The following TBC1D5 variants were observed in gnomAD, a reference collection of about 807,000 sequenced individuals.
The protein encoded by TBC1D5 is TBC1 domain family, member 5.
In TBC1D5, 75 loss-of-function variants were observed where a neutral mutation model predicts 100.3. That is an observed-to-expected ratio of 0.75 (90% confidence interval 0.62 to 0.91). The LOEUF is 0.91. Among genes scored for constraint, TBC1D5 ranks in the 40% least tolerant of loss-of-function variants. The pLI is 0.00. For synonymous variants in TBC1D5, 323 were observed against 325.6 expected (o/e 0.99, Z 0.09); for missense variants, 910 against 942.4 (o/e 0.97, Z 0.45).
intron 1 of TBC1D5, among the ~76,000 whole-genome samples, chr3:17,715,454 T>C (rs1287751653): frequency 6.6e-6 from 1 of 152,236 alleles, no homozygotes. Context: ...ATTTTGTCCA[T>C]TTTTGTCTTA....
At chr3:17,726,274 G>A (rs886810256) in intron 1 of TBC1D5, among the ~76,000 whole-genome samples, 1 of 152,156 alleles carries the variant, frequency 6.6e-6, no homozygotes, top group Non-Finnish European at 1.5e-5. Flanking sequence ...ATTTTAAGTT[G>A]AGAAATCACC....
At chr3:17,549,141 C>CA (rs1282513769) in intron 2 of TBC1D5, among the ~76,000 whole-genome samples, 3 of 151,806 alleles carry the variant, frequency 2.0e-5, no homozygotes, top group Non-Finnish European at 4.4e-5. Context: ...CTACTAAATA[C>CA]AAAAAAATAT....
At position 17,238,442 on chromosome 3, in the gene TBC1D5, A is replaced by C. The variant is rs530650487; in HGVS notation, c.1332-23T>G. On this transcript the variant is annotated intron_variant, in intron 16 of 21. Transcript: ENST00000253692. ...GTCCTGTTAAAAAAAGAAATGGAGA[A>C]GCATTATTTACATTAGAGGATGATT... 4.4e-6 allele frequency: 7 copies of C among 1,598,048 alleles called. No individual in the cohort carries two copies. In the East Asian group the frequency reaches 9.0e-5, roughly 20 times the overall value.
intron 2 of TBC1D5, among the ~76,000 whole-genome samples, chr3:17,550,226 A>G (rs1024010874): frequency 6.6e-6 from 1 of 152,122 alleles, no homozygotes; most frequent in Non-Finnish European, 1.5e-5. Context: ...TGGAATTATT[A>G]CTAAAGTATT....
intron 2 of TBC1D5, among the ~76,000 whole-genome samples, chr3:17,517,937 G>A (rs2096011557): frequency 6.6e-6 from 1 of 152,118 alleles, no homozygotes; most frequent in African/African-American, 2.4e-5. Flanking sequence ...TTACAAGGAT[G>A]AAATAAAGTA....
chr3:17,671,757 A>C (rs2067971970), intron 1 of TBC1D5, among the ~76,000 whole-genome samples: 2 of 152,174 alleles, frequency 1.3e-5, no homozygotes, highest in Non-Finnish European at 2.9e-5. Flanking sequence ...AAAAAGCAAA[A>C]ATTACATCCT....
intron 18 of TBC1D5, among the ~76,000 whole-genome samples, chr3:17,205,336 A>C (rs918196809): frequency 5.9e-5 from 9 of 152,290 alleles, no homozygotes; most frequent in Admixed American, 3.9e-4. Flanking sequence ...TGCTTTCCAC[A>C]TAACATGTTT....
intron 1 of TBC1D5, among the ~76,000 whole-genome samples, chr3:17,716,699 T>A (rs1372559957): frequency 2.0e-5 from 3 of 152,218 alleles, no homozygotes; most frequent in Non-Finnish European, 4.4e-5. Flanking sequence ...AACTCCTTTT[T>A]CATGTAATCA....
intron 1 of TBC1D5, among the ~76,000 whole-genome samples, chr3:17,630,253 CT>C (rs1221352106): frequency 6.6e-6 from 1 of 152,184 alleles, no homozygotes; most frequent in African/African-American, 2.4e-5. Context: ...TTTTATTGTG[CT>C]TTGCAGATGC....
intron 4 of TBC1D5, among the ~76,000 whole-genome samples, chr3:17,410,911 A>G (rs2093906195): frequency 6.6e-6 from 1 of 152,180 alleles, no homozygotes; most frequent in South Asian, 2.1e-4. Flanking sequence ...TATTTAATAA[A>G]CTAAGTGAGA....
At chr3:17,481,681 A>G (rs952114483) in intron 3 of TBC1D5, among the ~76,000 whole-genome samples, 11 of 152,280 alleles carry the variant, frequency 7.2e-5, no homozygotes, top group South Asian at 2.1e-4. Context: ...TAAATATGCT[A>G]TAAGCCTTAA....
At chr3:17,238,822 C>T (rs2076085651) in intron 16 of TBC1D5, among the ~76,000 whole-genome samples, 1 of 152,096 alleles carries the variant, frequency 6.6e-6, no homozygotes, top group African/African-American at 2.4e-5. Flanking sequence ...CTAGGCAAGT[C>T]ATGGGGTCCT....
chr3:17,610,685 CATG>C (rs2061611492), intron 2 of TBC1D5, among the ~76,000 whole-genome samples: 1 of 152,122 alleles, frequency 6.6e-6, no homozygotes, highest in Non-Finnish European at 1.5e-5. Context: ...ACATATAAAT[CATG>C]ATGTTTCTTC....
At chr3:17,721,239 A>G (rs987547850) in intron 1 of TBC1D5, among the ~76,000 whole-genome samples, 9 of 152,230 alleles carry the variant, frequency 5.9e-5, no homozygotes, top group South Asian at 2.1e-4. Flanking sequence ...TTTTATAGAA[A>G]TAAGTATTCT....
chr3:17,486,976 C>T (rs1186217660), intron 3 of TBC1D5, among the ~76,000 whole-genome samples: 2 of 152,108 alleles, frequency 1.3e-5, no homozygotes, highest in African/African-American at 4.8e-5. Context: ...ACGGCATATC[C>T]TAGTACTCTG....
chr3:17,717,941 A>G (rs969650339), intron 1 of TBC1D5, among the ~76,000 whole-genome samples: 2 of 152,140 alleles, frequency 1.3e-5, no homozygotes, highest in African/African-American at 4.8e-5. Context: ...CCACTAACCT[A>G]CACTAGAATA....
At chr3:17,411,337 C>A (rs545500418) in intron 4 of TBC1D5, among the ~76,000 whole-genome samples, 2 of 152,080 alleles carry the variant, frequency 1.3e-5, no homozygotes, top group African/African-American at 4.8e-5. Flanking sequence ...AAAAATATCA[C>A]GTGACTCACT....
intron 2 of TBC1D5, among the ~76,000 whole-genome samples, chr3:17,586,096 A>G (rs1230221442): frequency 6.6e-6 from 1 of 152,182 alleles, no homozygotes; most frequent in Non-Finnish European, 1.5e-5. Context: ...ACTGTGAAGA[A>G]AAACAATGGA....
intron 3 of TBC1D5, among the ~76,000 whole-genome samples, chr3:17,472,146 T>C (rs1272568378): frequency 1.5e-5 from 2 of 136,440 alleles, no homozygotes; most frequent in African/African-American, 3.1e-5. Flanking sequence ...TTTTTTTTTC[T>C]TTTTTTTTTT....
Sources: gnomAD v4.1 joint callset for allele counts (sites outside exome capture counted in the v4.1 genomes callset) on GRCh38, gnomAD v4.1.1 for gene constraint, MANE v1.5 for transcripts, NCBI Gene and HGNC (gene_info 2026-07-23, HGNC 2026-07-21) for gene names.